The following RALGAPA1 variants were observed in gnomAD, a reference collection of about 807,000 sequenced individuals.
RALGAPA1 encodes the protein ral GTPase-activating protein subunit alpha-1.
Under a neutral mutation model 269.6 loss-of-function variants are expected in RALGAPA1, and 52 were observed. That is an observed-to-expected ratio of 0.19 (90% confidence interval 0.15 to 0.24). The LOEUF is 0.24. Ranked by LOEUF, RALGAPA1 falls within the 10% of genes least tolerant of loss-of-function variation. RALGAPA1 has a pLI of 1.00. For missense variants in RALGAPA1, 1,917 were observed against 3,013.9 expected (o/e 0.64, Z 8.52); for synonymous variants, 817 against 1,008.3 (o/e 0.81, Z 3.60).
rs770381632 is a variant in RALGAPA1, at chr14:35,549,203, T to C, written c.7528A>G (p.Ile2510Val). Residue 2510 changes from isoleucine to valine, a missense_variant, in exon 40 of 42, where the codon ATT becomes GTT. Ile to Val is a conservative substitution (Grantham distance 29, BLOSUM62 3). This residue lies in a region of RALGAPA1 where 91 missense variants were observed against 130.9 expected (regional missense o/e 0.70). Transcript: ENST00000680220. ...GTTGGTTCTAAGTGGTGCTGGACAA[T>C]TGTTTGCAGGTATCGTGCTCTCTCC... The part of the protein sequence containing the change: ...YEERARYLQT[I>V]VQHHLEPTTF... The C allele has an allele frequency of 1.9e-6, 3 of 1,613,138 alleles. No individual in the cohort carries two copies. In the East Asian group the frequency reaches 6.7e-5, roughly 36 times the overall value.
intron 28 of RALGAPA1, among the ~76,000 whole-genome samples, chr14:35,657,364 A>AT (rs1167706707): frequency 6.6e-6 from 1 of 151,232 alleles, no homozygotes; most frequent in Non-Finnish European, 1.5e-5. Flanking sequence ...AATTTTTTGT[A>AT]TTTTTAGTAG....
At chr14:35,630,046 G>C (rs546441012) in intron 33 of RALGAPA1, among the ~76,000 whole-genome samples, 1 of 152,278 alleles carries the variant, frequency 6.6e-6, no homozygotes, top group South Asian at 2.1e-4. Context: ...GAAAAGAATA[G>C]TGTTACATTT....
rs561397273 is a variant in RALGAPA1, at chr14:35,612,401, C to T, written c.6930-6692G>A. On this transcript the variant is annotated intron_variant, in intron 35 of 41. Coordinates refer to ENST00000680220, the MANE Select transcript of RALGAPA1 (RefSeq NM_001346249.2). ...AAAAAAAAAAAAAAAAGAAGTCAGA[C>T]TCTTCCACCATATAAAAAATTGAAT... Among the ~76,000 whole-genome samples the T allele has an allele frequency of 2.0e-5, 3 of 147,720 alleles. No individual in the cohort carries two copies. The East Asian group carries it at 5.9e-4, about 29-fold the overall frequency.
chr14:35,672,749 C>A, intron 25 of RALGAPA1, 118 bp downstream of exon 25: 1 of 955,642 alleles, frequency 1.0e-6, no homozygotes, highest in Non-Finnish European at 1.4e-6. Flanking sequence ...ATATAAATCA[C>A]TAAATAAGGG....
At chr14:35,665,710 C>A (rs1010558703) in intron 26 of RALGAPA1, among the ~76,000 whole-genome samples, 1 of 151,988 alleles carries the variant, frequency 6.6e-6, no homozygotes, top group African/African-American at 2.4e-5. Context: ...TCATATCTAC[C>A]GTTCCAATTT....
intron 26 of RALGAPA1, among the ~76,000 whole-genome samples, chr14:35,669,958 G>A (rs2064268485): frequency 6.6e-6 from 1 of 152,204 alleles, no homozygotes; most frequent in Non-Finnish European, 1.5e-5. Context: ...ATGGTGCTAT[G>A]CTAGGCTCCG....
chr14:35,541,638 G>A, intron 41 of RALGAPA1: 1 of 437,750 alleles, frequency 2.3e-6, no homozygotes, highest in Non-Finnish European at 4.6e-6. Context: ...AAGCACTGCA[G>A]ATGGATGGCA....
chr14:35,615,092 T>A (rs1228137483), intron 35 of RALGAPA1, among the ~76,000 whole-genome samples: 1 of 152,148 alleles, frequency 6.6e-6, no homozygotes, highest in Non-Finnish European at 1.5e-5. Flanking sequence ...TGCACCACAA[T>A]AGTGAATAAT....
chr14:35,651,738 A>T, intron 31 of RALGAPA1, 67 bp downstream of exon 31: 2 of 1,417,844 alleles, frequency 1.4e-6, no homozygotes, highest in African/African-American at 1.5e-5. Context: ...ACATACCTTT[A>T]AAGTTTTGAA....
At chr14:35,590,406 T>G (rs1347964311) in intron 37 of RALGAPA1, among the ~76,000 whole-genome samples, 1 of 152,234 alleles carries the variant, frequency 6.6e-6, no homozygotes, top group Admixed American at 6.5e-5. Flanking sequence ...AATCTCATCT[T>G]GAATTGTAAT....
intron 31 of RALGAPA1, among the ~76,000 whole-genome samples, chr14:35,649,654 TGTCTCTATTTAA>T (rs1275347798): frequency 6.6e-6 from 1 of 152,224 alleles, no homozygotes; most frequent in Non-Finnish European, 1.5e-5. Context: ...TCTCTATTTA[TGTCTCTATTTAA>T]CTTTAAAAGA....
intron 35 of RALGAPA1, among the ~76,000 whole-genome samples, chr14:35,624,035 C>T (rs538328951): frequency 4.7e-5 from 7 of 150,262 alleles, no homozygotes; most frequent in African/African-American, 7.4e-5. Flanking sequence ...TGCAGTGAGC[C>T]GAGATCGCAC....
intron 1 of RALGAPA1, among the ~76,000 whole-genome samples, chr14:35,799,445 C>T (rs2076814838): frequency 6.6e-6 from 1 of 151,892 alleles, no homozygotes; most frequent in Non-Finnish European, 1.5e-5. Flanking sequence ...GCCTGTAATC[C>T]CAGCTACTTG....
intron 12 of RALGAPA1, among the ~76,000 whole-genome samples, chr14:35,731,875 A>G (rs991148657): frequency 6.6e-6 from 1 of 152,220 alleles, no homozygotes; most frequent in African/African-American, 2.4e-5. Context: ...AAATACAAGA[A>G]GCACAAAGAA....
At chr14:35,679,171 T>A (rs1359758717) in intron 21 of RALGAPA1, among the ~76,000 whole-genome samples, 1 of 152,222 alleles carries the variant, frequency 6.6e-6, no homozygotes, top group Non-Finnish European at 1.5e-5. Context: ...TATAATATAG[T>A]GCCGCTACTA....
intron 1 of RALGAPA1, among the ~76,000 whole-genome samples, chr14:35,794,292 T>C (rs935470235): frequency 2.6e-5 from 4 of 152,058 alleles, no homozygotes; most frequent in Admixed American, 6.5e-5. Flanking sequence ...CAGGGCAACA[T>C]AGGGAAACCC....
intron 35 of RALGAPA1, among the ~76,000 whole-genome samples, chr14:35,607,144 G>C (rs985060389): frequency 6.6e-6 from 1 of 152,106 alleles, no homozygotes; most frequent in Non-Finnish European, 1.5e-5. Flanking sequence ...TAAAGTCATA[G>C]AGCAAACAGG....
At chr14:35,743,393 G>A (rs2071752606) in intron 10 of RALGAPA1, among the ~76,000 whole-genome samples, 1 of 152,200 alleles carries the variant, frequency 6.6e-6, no homozygotes. Flanking sequence ...AAGATTAGTT[G>A]AAATTGTATT....
chr14:35,772,814 T>C (rs911035736), intron 3 of RALGAPA1, among the ~76,000 whole-genome samples: 2 of 152,168 alleles, frequency 1.3e-5, no homozygotes, highest in Non-Finnish European at 2.9e-5. Flanking sequence ...ATACGCCTAT[T>C]TCTAAAACCT....
Sources: gnomAD v4.1 joint callset for allele counts (sites outside exome capture counted in the v4.1 genomes callset) on GRCh38, gnomAD v4.1.1 for gene constraint, gnomAD v4.1.1 regional missense constraint, MANE v1.5 for transcripts, NCBI Gene and HGNC (gene_info 2026-07-23, HGNC 2026-07-21) for gene names.